CSMD1: variants seen among roughly 807,000 people sequenced by gnomAD.
CSMD1 encodes the protein CUB and sushi domain-containing protein 1.
CSMD1 carries 213 observed loss-of-function variants against 417.5 expected under a neutral mutation model. The observed-to-expected ratio is 0.51, with a 90% CI of 0.46 to 0.57. The LOEUF is 0.57. Among genes scored for constraint, CSMD1 ranks in the 20% least tolerant of loss-of-function variants. The pLI is 0.00. For synonymous variants in CSMD1, 2,862 were observed against 1,736.8 expected (o/e 1.65, Z -16.11); for missense variants, 6,923 against 4,529.7 (o/e 1.53, Z -15.17).
intron 3 of CSMD1, among the ~76,000 whole-genome samples, chr8:4,356,622 G>C (rs980272861): frequency 4.6e-5 from 7 of 152,104 alleles, no homozygotes; most frequent in African/African-American, 1.7e-4. Context: ...TTTTCACTGT[G>C]TCTGCTTTAT....
chr8:4,381,917 T>C (rs1025728778), intron 3 of CSMD1, among the ~76,000 whole-genome samples: 3 of 152,166 alleles, frequency 2.0e-5, no homozygotes, highest in African/African-American at 4.8e-5. Context: ...ACTTGCCCAC[T>C]GCAGGGAAAA....
At chr8:4,835,497 G>A (rs753695100) in intron 1 of CSMD1, among the ~76,000 whole-genome samples, 1 of 152,164 alleles carries the variant, frequency 6.6e-6, no homozygotes, top group Non-Finnish European at 1.5e-5. Flanking sequence ...TGAGATGCCT[G>A]TGAAACAATG....
intron 5 of CSMD1, among the ~76,000 whole-genome samples, chr8:3,982,184 TAATAATATTAATAAA>T (rs1243590809): frequency 9.9e-4 from 128 of 128,874 alleles, no homozygotes; most frequent in African/African-American, 3.2e-3. Context: ...ATAATAATAA[TAATAATATTAATAAA>T]AAAAATAATA....
At chr8:4,346,386 C>T (rs936252899) in intron 3 of CSMD1, among the ~76,000 whole-genome samples, 2 of 152,128 alleles carry the variant, frequency 1.3e-5, no homozygotes, top group African/African-American at 2.4e-5. Flanking sequence ...TACCTGACCC[C>T]ACAGCCGAGT....
chr8:3,471,511 T>C (rs1817098642), intron 11 of CSMD1, among the ~76,000 whole-genome samples: 1 of 151,348 alleles, frequency 6.6e-6, no homozygotes, highest in African/African-American at 2.4e-5. Context: ...CTTCCTTCAT[T>C]CCTTCCTTCC....
chr8:3,780,395 C>A lies in CSMD1; in HGVS notation c.819-26353G>T, dbSNP rs375357661. Among the ~76,000 whole-genome samples, 25 of 152,272 alleles carry A rather than the reference C, an allele frequency of 1.6e-4. 1 individual carries two copies. Among genetic ancestry groups the A allele is most frequent in the African/African-American group, 5.8e-4 (24 of 41,566 alleles). On this transcript the variant is annotated intron_variant, in intron 5 of 69. Transcript: ENST00000635120. ...GAGGCGGCCTGGTCCTTAATTATCG[C>A]CTTTTCAGCACACATTATCAACACT... is the stretch of plus-strand genomic sequence containing the variant.
intron 3 of CSMD1, among the ~76,000 whole-genome samples, chr8:4,261,645 G>A (rs1351452012): frequency 6.6e-6 from 1 of 152,004 alleles, no homozygotes; most frequent in Non-Finnish European, 1.5e-5. Flanking sequence ...CCTAGGCTCA[G>A]GCAATCCTGC....
chr8:4,387,787 G>C (rs1261766964), intron 3 of CSMD1, among the ~76,000 whole-genome samples: 3 of 152,040 alleles, frequency 2.0e-5, no homozygotes, highest in Admixed American at 6.6e-5. Flanking sequence ...GAATTAACAA[G>C]ACGGATTTTG....
chr8:4,861,476 A>C (rs1450879048), intron 1 of CSMD1, among the ~76,000 whole-genome samples: 2 of 152,092 alleles, frequency 1.3e-5, no homozygotes, highest in Admixed American at 6.6e-5. Context: ...GCAATCCTTT[A>C]TGTATGTTTG....
At chr8:3,175,403 C>G (rs886519574) in intron 37 of CSMD1, among the ~76,000 whole-genome samples, 1 of 151,920 alleles carries the variant, frequency 6.6e-6, no homozygotes, top group Non-Finnish European at 1.5e-5. Context: ...GGATTTTCTA[C>G]TTCCACTTCC....
chr8:4,077,297 G>GTATATATATA (rs200304943), intron 3 of CSMD1, among the ~76,000 whole-genome samples: 1,380 of 121,188 alleles, frequency 0.011, 25 homozygotes, highest in South Asian at 0.029. Context: ...ATATATATGT[G>GTATATATATA]TATATATATA....
At chr8:4,632,597 G>A (rs535333180) in intron 2 of CSMD1, among the ~76,000 whole-genome samples, 4 of 152,056 alleles carry the variant, frequency 2.6e-5, no homozygotes, top group African/African-American at 9.7e-5. Context: ...AGCCTCAGAG[G>A]ATTATGTTCT....
chr8:3,068,163 T>C, intron 49 of CSMD1, among the ~76,000 whole-genome samples: 1 of 152,236 alleles, frequency 6.6e-6, no homozygotes, highest in Admixed American at 6.5e-5. Context: ...TCTCAGGTAG[T>C]TTTCACCATT....
chr8:3,596,202 C>T (rs113126068), intron 8 of CSMD1, among the ~76,000 whole-genome samples: 1 of 152,078 alleles, frequency 6.6e-6, no homozygotes, highest in African/African-American at 2.4e-5. Context: ...CAGCAGCCTG[C>T]ACCACCGCCC....
In CSMD1 at chr8:3,489,312, C is replaced by G. The variant is rs888744539; in HGVS notation, c.1448+4311G>C. Among the ~76,000 whole-genome samples, 7 of 152,232 alleles carry G rather than the reference C, an allele frequency of 4.6e-5. No individual in the cohort carries two copies. The South Asian group carries it at 6.2e-4, about 14-fold the overall frequency. On this transcript the variant is annotated intron_variant, in intron 11 of 69. Transcript: ENST00000635120. ...ATCTGGTTAGGCAGAGGCTACCCTACTTGCTCACAGATGTCCCTAATAATA... is the reference window on the plus strand; with the variant it reads ...ATCTGGTTAGGCAGAGGCTACCCTAGTTGCTCACAGATGTCCCTAATAATA...
At chr8:3,422,255 G>A (rs991148289) in intron 12 of CSMD1, among the ~76,000 whole-genome samples, 2 of 152,086 alleles carry the variant, frequency 1.3e-5, no homozygotes, top group Admixed American at 6.6e-5. Flanking sequence ...TAGCCACTCA[G>A]CATTCTTGAT....
chr8:3,296,726 T>G (rs900821255), intron 25 of CSMD1, among the ~76,000 whole-genome samples: 2 of 151,854 alleles, frequency 1.3e-5, no homozygotes, highest in African/African-American at 4.8e-5. Flanking sequence ...GTGCGTGAGG[T>G]GAGGATGTGC....
chr8:4,383,512 C>T (rs1259021825), intron 3 of CSMD1, among the ~76,000 whole-genome samples: 2 of 152,176 alleles, frequency 1.3e-5, no homozygotes, highest in East Asian at 3.9e-4. Flanking sequence ...AGGACACCAA[C>T]AAGCCCTGGC....
chr8:3,206,453 G>C (rs1253112278), intron 30 of CSMD1, among the ~76,000 whole-genome samples: 7 of 30,496 alleles, frequency 2.3e-4, no homozygotes, highest in Non-Finnish European at 1.4e-4. Context: ...GTGTGTGTAT[G>C]TGTGTGTGGG....
Sources: gnomAD v4.1 joint callset for allele counts (sites outside exome capture counted in the v4.1 genomes callset) on GRCh38, gnomAD v4.1.1 for gene constraint, MANE v1.5 for transcripts, NCBI Gene and HGNC (gene_info 2026-07-23, HGNC 2026-07-21) for gene names.